RGSL1: variants seen among roughly 807,000 people sequenced by gnomAD.
RGSL1 encodes regulator of G protein signaling like 1, also known as regulator of G protein signaling protein-like.
RGSL1 carries 97 observed loss-of-function variants against 124.7 expected under a neutral mutation model. The observed-to-expected ratio is 0.78, with a 90% confidence interval of 0.66 to 0.92. The LOEUF (loss-of-function observed/expected upper bound fraction) is 0.92. Ranked by LOEUF, RGSL1 falls within the 40% of genes least tolerant of loss-of-function variation. The pLI is 0.00. For missense variants in RGSL1, 1,233 were observed against 1,288.4 expected (o/e 0.96, Z 0.66); for synonymous variants, 424 against 438.1 (o/e 0.97, Z 0.40).
chr1:182,505,618 C>A (rs1232640652), intron 9 of RGSL1, among the ~76,000 whole-genome samples: 1 of 152,112 alleles, frequency 6.6e-6, no homozygotes, highest in Non-Finnish European at 1.5e-5. Flanking sequence ...ATCTTTTAAT[C>A]CATGGATTTG....
upstream of RGSL1, among the ~76,000 whole-genome samples, chr1:182,448,592 G>A (rs916532375): frequency 4.7e-4 from 71 of 152,022 alleles, no homozygotes; most frequent in African/African-American, 1.7e-3. Flanking sequence ...ACAGACTCCT[G>A]AGCCCCACCC....
chr1:182,493,671 C>T (rs914467108), intron 9 of RGSL1, among the ~76,000 whole-genome samples: 4 of 152,170 alleles, frequency 2.6e-5, no homozygotes, highest in African/African-American at 4.8e-5. Flanking sequence ...CATTGATCCA[C>T]GGGAGATGTG....
chr1:182,554,662 G>T lies in RGSL1; in HGVS notation c.3166G>T (p.Val1056Leu). 6.4e-7 allele frequency: 1 copy of T among 1,551,706 alleles called. No individual in the cohort carries two copies. Among genetic ancestry groups the T allele is most frequent in the Non-Finnish European group, 8.7e-7 (1 of 1,147,000 alleles). Residue 1056 changes from valine (V) to leucine (L), a missense_variant, in exon 20 of 22, where the codon GTA becomes TTA. Val to Leu is a conservative substitution (Grantham distance 32). Transcript: ENST00000294854. Reference sequence around the variant, plus strand: ...CAAACTTACTCAGCCAAGACTCGTGGTATCTGCCATGCAGCTGCATCCCGT... The same window carrying T: ...CAAACTTACTCAGCCAAGACTCGTGTTATCTGCCATGCAGCTGCATCCCGT... ...SSKLTQPRLV[V>L]SAMQLHPVQG...
At chr1:182,474,621 T>C in intron 6 of RGSL1, 79 bp downstream of exon 6, 7 of 1,443,652 alleles carry the variant, frequency 4.8e-6, no homozygotes, top group Middle Eastern at 1.9e-4. Context: ...TGGTCACCTA[T>C]ACTGGCTAAG....
Position 182,522,096 on chromosome 1 carries a change from T to G in RGSL1, c.1918T>G (p.Ser640Ala). The G allele has an allele frequency of 1.9e-6, 3 of 1,548,822 alleles. No homozygotes were observed. The highest frequency in any genetic ancestry group is 2.6e-6 in the Non-Finnish European group (3 of 1,145,502). ...CAAAAGAACTCTTGTAAGGAAGCCA[T>G]CAATGAGACCCAGGTGAGATATAGA... ...LLKRTLVRKP[S>A]MRPRNLTEVL... is the part of the protein sequence containing the mutation. Residue 640 changes from serine to alanine, a missense_variant, in exon 10 of 22, where the codon TCA becomes GCA. Coordinates refer to ENST00000294854, the MANE Select transcript of RGSL1 (RefSeq NM_001137669.2).
intron 14 of RGSL1, among the ~76,000 whole-genome samples, chr1:182,536,354 C>G (rs1185758252): frequency 6.6e-6 from 1 of 152,082 alleles, no homozygotes; most frequent in African/African-American, 2.4e-5. Context: ...ATATGTTAAA[C>G]TTTATAAGGA....
chr1:182,500,251 C>T (rs1656248670), intron 9 of RGSL1, among the ~76,000 whole-genome samples: 1 of 152,082 alleles, frequency 6.6e-6, no homozygotes, highest in Non-Finnish European at 1.5e-5. Flanking sequence ...TGATCCAGCA[C>T]CATTTGTTGA....
chr1:182,543,857 C>CT (rs937333422), intron 15 of RGSL1, among the ~76,000 whole-genome samples: 124 of 152,044 alleles, frequency 8.2e-4, no homozygotes, highest in East Asian at 5.8e-4. Context: ...GACTATGTCT[C>CT]TTTTTTGTTT....
rs1660532693 is a variant in RGSL1 at position 182,551,099 on chromosome 1, G to T, written c.2934-1G>T. 2 of 1,550,432 alleles carry T rather than the reference G, an allele frequency of 1.3e-6. No individual in the cohort carries two copies. Among genetic ancestry groups the T allele is most frequent in the African/African-American group, 2.7e-5 (2 of 73,140 alleles). ...ATGACCAGAAGCCATTCTTCCCACA[G>T]GTTTTGTTTCTGGAAGGCAACCCGC... On this transcript the variant is annotated splice_acceptor_variant, in intron 17 of 21. Coordinates refer to ENST00000294854, the MANE Select transcript of RGSL1 (RefSeq NM_001137669.2). LOFTEE classifies it high-confidence loss of function.
intron 9 of RGSL1, among the ~76,000 whole-genome samples, chr1:182,503,247 C>T (rs1471216157): frequency 6.6e-6 from 1 of 152,104 alleles, no homozygotes; most frequent in Non-Finnish European, 1.5e-5. Context: ...GATTTGGAAG[C>T]AACCTACACG....
chr1:182,541,857 T>G (rs906870395), intron 15 of RGSL1, among the ~76,000 whole-genome samples: 1 of 152,200 alleles, frequency 6.6e-6, no homozygotes, highest in African/African-American at 2.4e-5. Flanking sequence ...ATATACCTGT[T>G]GGGCATTTGT....
intron 10 of RGSL1, among the ~76,000 whole-genome samples, chr1:182,523,207 T>C (rs1330837840): frequency 2.0e-5 from 3 of 147,242 alleles, no homozygotes; most frequent in Admixed American, 2.0e-4. Flanking sequence ...TGTTTTTTTT[T>C]CTTTTTTTTT....
In RGSL1 at chr1:182,474,420, C is replaced by A; in HGVS notation, c.1309C>A (p.Leu437Met). The A allele has an allele frequency of 6.4e-7, 1 of 1,552,028 alleles. No homozygotes were observed. The highest frequency in any genetic ancestry group is 8.7e-7 in the Non-Finnish European group (1 of 1,147,052). ...GGGTGACAGAATCTGCGAGCTCTAC[C>A]TGAATGAGCAGATTGGTCCGTGCTT... ...LLGDRICELY[L>M]NEQIGPCLPL... The change falls in exon 6 of 22, where the codon CTG (leucine) becomes ATG (methionine). Residue 437 changes from leucine (L) to methionine (M), a missense_variant. Coordinates refer to ENST00000294854, the MANE Select transcript of RGSL1 (RefSeq NM_001137669.2).
rs868151367 is a variant in RGSL1, at chr1:182,530,910, G to A, written c.2364G>A (p.Gln788=). The A allele has an allele frequency of 1.3e-6, 2 of 1,545,430 alleles. No individual in the cohort carries two copies. The highest frequency in any genetic ancestry group is 2.8e-5 in the African/African-American group (2 of 72,592). The change falls in exon 13 of 22, where the codon CAG becomes CAA. Residue 788 remains glutamine (Q), a splice_region_variant and synonymous_variant. Coordinates refer to ENST00000294854, the MANE Select transcript of RGSL1 (RefSeq NM_001137669.2). ...KIVSTYLQES[Q]KKGWMRMISF... ...TGTCAACTTACCTACAGGAATCCCA[G>A]GTTAGTGAAGAAGAAAGTGAAACAA...
intron 5 of RGSL1, 50 bp from the exon 6 acceptor site, chr1:182,473,525 C>G: frequency 6.8e-7 from 1 of 1,469,070 alleles, no homozygotes; most frequent in Non-Finnish European, 9.0e-7. Flanking sequence ...ACCATCATCA[C>G]TGCCATCATC....
chr1:182,460,823 A>T, intron 4 of RGSL1: 1 of 429,424 alleles, frequency 2.3e-6, no homozygotes, highest in South Asian at 1.7e-5. Flanking sequence ...TTAGACAGTA[A>T]ATTGTAGTTG....
At chr1:182,546,347 C>CT (rs56229530) in intron 15 of RGSL1, among the ~76,000 whole-genome samples, 3,080 of 149,198 alleles carry the variant, frequency 0.021, 105 homozygotes, top group African/African-American at 0.071. Flanking sequence ...CTTTGTATAC[C>CT]TTTTTTTTTT....
intron 9 of RGSL1, among the ~76,000 whole-genome samples, chr1:182,499,932 AT>A (rs1418219865): frequency 6.6e-6 from 1 of 152,040 alleles, no homozygotes; most frequent in Non-Finnish European, 1.5e-5. Context: ...CAGATACATG[AT>A]TTGCAAATAT....
At chr1:182,463,003 A>G (rs1652968710) in intron 4 of RGSL1, among the ~76,000 whole-genome samples, 1 of 152,184 alleles carries the variant, frequency 6.6e-6, no homozygotes, top group Non-Finnish European at 1.5e-5. Context: ...TTAATAGTAA[A>G]TTACTTCAGG....
Sources: allele counts gnomAD v4.1 joint callset (sites outside exome capture counted in the v4.1 genomes callset), GRCh38; gene constraint gnomAD v4.1.1; transcripts MANE v1.5; gene names NCBI Gene and HGNC (gene_info 2026-07-23, HGNC 2026-07-21).